RYR3: variants seen among roughly 807,000 people sequenced by gnomAD.
RYR3 encodes the protein brain ryanodine receptor-calcium release channel.
RYR3 carries 207 observed loss-of-function variants against 584.3 expected under a neutral mutation model. The ratio of observed to expected loss-of-function variants is 0.35; its 90% CI spans 0.32 to 0.40. The LOEUF is 0.40. Among genes scored for constraint, RYR3 ranks in the 10% least tolerant of loss-of-function variants. RYR3 has a pLI of 1.00. For synonymous variants in RYR3, 2,416 were observed against 2,248.5 expected (o/e 1.07, Z -2.11); for missense variants, 5,616 against 6,089.2 (o/e 0.92, Z 2.59).
At position 33,382,319 on chromosome 15, in the gene RYR3, C is replaced by CTTTTTTTTTTTTTTTTTT. The variant is rs34767570; in HGVS notation, c.51+71228_51+71245dup. Among the ~76,000 whole-genome samples, 13 of 104,780 alleles carry CTTTTTTTTTTTTTTTTTT rather than the reference C, an allele frequency of 1.2e-4. 2 individuals carry two copies. The highest frequency in any genetic ancestry group is 4.5e-4 in the African/African-American group (11 of 24,678). 68.7% of individuals were successfully genotyped at this position (104,780 alleles called of 152,430 possible). ...CAGGAACTGCTAATTTTAAAAGTGGCTTTTTTTTTTTTTTTTTTTTTTGAG... is the reference window on the plus strand; with the variant it reads ...CAGGAACTGCTAATTTTAAAAGTGGCTTTTTTTTTTTTTTTTTTTTTTTTTTTTTTTTTTTTTTTTGAG... On this transcript the variant is annotated intron_variant, in intron 1 of 103. Coordinates refer to ENST00000634891, the MANE Select transcript of RYR3 (RefSeq NM_001036.6).
At chr15:33,601,291 C>G in intron 16 of RYR3, 128 bp from the exon 17 acceptor site, 1 of 877,168 alleles carries the variant, frequency 1.1e-6, no homozygotes, top group Non-Finnish European at 1.8e-6. Flanking sequence ...TTCCTTGGCT[C>G]TGAGCTGGCT....
chr15:33,339,864 G>A (rs1031879944), intron 1 of RYR3, among the ~76,000 whole-genome samples: 25 of 149,008 alleles, frequency 1.7e-4, no homozygotes, highest in African/African-American at 4.7e-4. Flanking sequence ...ACTCCAGCCT[G>A]GGCGACAGAG....
intron 1 of RYR3, among the ~76,000 whole-genome samples, chr15:33,359,632 A>ATTTG (rs1460836127): frequency 1.3e-5 from 2 of 149,892 alleles, no homozygotes; most frequent in African/African-American, 4.9e-5. Context: ...TTATTTATTT[A>ATTTG]TTTTCAGACG....
At chr15:33,556,130 A>G (rs960590223) in intron 10 of RYR3, among the ~76,000 whole-genome samples, 1 of 152,170 alleles carries the variant, frequency 6.6e-6, no homozygotes, top group African/African-American at 2.4e-5. Flanking sequence ...CCTCTGAAAC[A>G]TTTCAGGGTG....
intron 1 of RYR3, among the ~76,000 whole-genome samples, chr15:33,435,819 A>C (rs770675587): frequency 5.3e-5 from 8 of 152,200 alleles, no homozygotes; most frequent in Non-Finnish European, 1.2e-4. Context: ...CAGCAGCAAG[A>C]TTTATTATGA....
At chr15:33,312,307 T>C (rs1967441141) in intron 1 of RYR3, among the ~76,000 whole-genome samples, 1 of 152,172 alleles carries the variant, frequency 6.6e-6, no homozygotes, top group Non-Finnish European at 1.5e-5. Context: ...TTGAAGCGCT[T>C]CCTTCCAATT....
At chr15:33,532,886 G>A (rs1173341314) in intron 4 of RYR3, among the ~76,000 whole-genome samples, 4 of 152,164 alleles carry the variant, frequency 2.6e-5, no homozygotes, top group Non-Finnish European at 5.9e-5. Flanking sequence ...GGAGGCCAGG[G>A]CAGGAGGATC....
At position 33,425,710 on chromosome 15, in the gene RYR3, T is replaced by C. The variant is rs192944982; in HGVS notation, c.52-47709T>C. 3.1e-3 allele frequency among the ~76,000 whole-genome samples: 466 copies of C among 150,670 alleles called. 1 individual carries two copies. Among genetic ancestry groups the C allele is most frequent in the South Asian group, 0.018 (86 of 4,720 alleles). ...AGGCTGGAGTGAATTGCCGTGATCTTGGCTCACTGCAAGCTCCGCCTCCCG... is the reference window on the plus strand; with the variant it reads ...AGGCTGGAGTGAATTGCCGTGATCTCGGCTCACTGCAAGCTCCGCCTCCCG... On this transcript the variant is annotated intron_variant, in intron 1 of 103. Coordinates refer to ENST00000634891, the MANE Select transcript of RYR3 (RefSeq NM_001036.6).
intron 99 of RYR3, chr15:33,859,063 C>G (rs1294193070): frequency 6.5e-6 from 1 of 154,048 alleles, no homozygotes; most frequent in Non-Finnish European, 1.4e-5. Context: ...GGGTGCCCTG[C>G]TCAGGGAGCC....
intron 1 of RYR3, among the ~76,000 whole-genome samples, chr15:33,376,240 GCTTCTTT>G (rs2040729788): frequency 6.6e-6 from 1 of 152,100 alleles, no homozygotes. Context: ...TTTGTGTCTG[GCTTCTTT>G]CCCTCAACCT....
At chr15:33,516,410 C>G (rs116496269) in intron 3 of RYR3, among the ~76,000 whole-genome samples, 3,842 of 151,402 alleles carry the variant, frequency 0.025, 165 homozygotes, top group African/African-American at 0.086. Context: ...GTGGTGCAGT[C>G]TCTGCTCACT....
At chr15:33,748,013 G>A in intron 53 of RYR3, 101 bp from the exon 54 acceptor site, 1 of 1,073,422 alleles carries the variant, frequency 9.3e-7, no homozygotes, top group South Asian at 1.4e-5. Flanking sequence ...GTGCTAACTA[G>A]CACCCCCACC....
Position 33,659,783 on chromosome 15 carries a change from C to A in RYR3, c.4372C>A (p.Gln1458Lys). 1 of 1,612,050 alleles carries A rather than the reference C, an allele frequency of 6.2e-7. No homozygotes were observed. Among genetic ancestry groups the A allele is most frequent in the Non-Finnish European group, 8.5e-7 (1 of 1,178,224 alleles). The change falls in exon 33 of 104, where the codon CAG (glutamine) becomes AAG (lysine). Residue 1458 changes from glutamine to lysine, a missense_variant. By Grantham distance (53) the Gln-to-Lys change is moderately conservative (BLOSUM62 1). Around this residue, in one of 9 missense-constraint regions of RYR3, gnomAD observed 753 missense variants for 741.0 expected, o/e 1.02. Transcript: ENST00000634891. ...FLQPTSTSLF[Q>K]FELGKLKNAM... Reference sequence around the variant, plus strand: ...GCAGCCTACAAGTACTTCTTTGTTTCAGTTTGAACTTGGAAAGCTGAAGGT... The same window carrying A: ...GCAGCCTACAAGTACTTCTTTGTTTAAGTTTGAACTTGGAAAGCTGAAGGT...
At chr15:33,856,511 T>C (rs2079676041) in intron 98 of RYR3, 1 of 152,308 alleles carries the variant, frequency 6.6e-6, no homozygotes, top group South Asian at 2.1e-4. Context: ...GGCAGAATTC[T>C]CTGTAATAAA....
intron 36 of RYR3, among the ~76,000 whole-genome samples, chr15:33,669,049 G>A (rs1278107966): frequency 6.6e-6 from 1 of 152,018 alleles, no homozygotes; most frequent in Non-Finnish European, 1.5e-5. Context: ...CCCATTCTGT[G>A]CGTATACCTA....
chr15:33,708,744 T>C (rs1362724664), intron 43 of RYR3, among the ~76,000 whole-genome samples: 1 of 152,312 alleles, frequency 6.6e-6, no homozygotes, highest in East Asian at 1.9e-4. Context: ...CAAGGCAAGG[T>C]ACTTCTTTAG....
At chr15:33,451,228 T>C (rs2047097424) in intron 1 of RYR3, among the ~76,000 whole-genome samples, 1 of 152,210 alleles carries the variant, frequency 6.6e-6, no homozygotes, top group African/African-American at 2.4e-5. Context: ...GGTGGCTTCC[T>C]TCCACTTTCC....
intron 2 of RYR3, among the ~76,000 whole-genome samples, chr15:33,496,578 G>A (rs1017118374): frequency 3.3e-5 from 5 of 152,130 alleles, no homozygotes; most frequent in Non-Finnish European, 5.9e-5. Context: ...TGTAAAGCCT[G>A]TAATTTTAGA....
Position 33,861,052 on chromosome 15 carries a change from C to G in RYR3, c.14365-26C>G, listed in dbSNP as rs748903204. ...CCTGCCTATATTATGCCAACAAATG[C>G]CTTTTCTGCCTGTTATTTTTCTTAG... is the stretch of plus-strand genomic sequence containing the variant. On this transcript the variant is annotated intron_variant, in intron 101 of 103. Coordinates refer to ENST00000634891, the MANE Select transcript of RYR3 (RefSeq NM_001036.6). 1.3e-5 allele frequency: 19 copies of G among 1,503,608 alleles called. No individual in the cohort carries two copies. The South Asian group carries it at 2.2e-4, about 17-fold the overall frequency. The allele number at this position is 1,503,608 out of a possible 1,614,324, so 93.1% of individuals were successfully genotyped here. A position where few individuals can be genotyped will look rare whatever the true frequency, so the allele number is the denominator to read the frequency against.
Sources: allele counts gnomAD v4.1 joint callset (sites outside exome capture counted in the v4.1 genomes callset), GRCh38; gene constraint gnomAD v4.1.1; regional missense constraint gnomAD v4.1.1; transcripts MANE v1.5; gene names NCBI Gene and HGNC (gene_info 2026-07-23, HGNC 2026-07-21).